Variants in RAB3GAP1 observed in about 807,000 individuals in gnomAD.
The protein encoded by RAB3GAP1 is RAB3 GTPase activating protein catalytic subunit 1, also known as rab3 GTPase-activating protein catalytic subunit.
Under a neutral mutation model 130.7 loss-of-function variants are expected in RAB3GAP1, and 86 were observed. The ratio of observed to expected loss-of-function variants is 0.66; its 90% CI spans 0.55 to 0.79. The LOEUF (loss-of-function observed/expected upper bound fraction) is 0.79. Among genes scored for constraint, RAB3GAP1 ranks in the 30% least tolerant of loss-of-function variants. The pLI, the probability that RAB3GAP1 is intolerant of heterozygous loss-of-function variation, is 0.00. For missense variants in RAB3GAP1, 1,029 were observed against 1,169.4 expected (o/e 0.88, Z 1.75); for synonymous variants, 367 against 401.7 (o/e 0.91, Z 1.03).
At chr2:135,081,370 GTGTGTGTGTGTATATATATATGTATA>G (rs1689815011) in intron 3 of RAB3GAP1, among the ~76,000 whole-genome samples, 1 of 87,104 alleles carries the variant, frequency 1.1e-5, no homozygotes, top group Non-Finnish European at 2.1e-5. Flanking sequence ...ATACACACAC[GTGTGTGTGTGTATATATATATGTATA>G]TATGTGTGTG....
intron 11 of RAB3GAP1, among the ~76,000 whole-genome samples, chr2:135,127,254 ATCT>A (rs1440652431): frequency 2.1e-5 from 3 of 141,240 alleles, no homozygotes; most frequent in Non-Finnish European, 3.0e-5. Context: ...CATAGTCTGC[ATCT>A]TCTATTTCTG....
chr2:135,162,800 C>G lies in RAB3GAP1; in HGVS notation c.2439C>G (p.Ser813=). 1 of 1,613,750 alleles carries G rather than the reference C, an allele frequency of 6.2e-7. No homozygotes were observed. The highest frequency in any genetic ancestry group is 1.7e-5 in the Admixed American group (1 of 60,024). Residue 813 remains serine (S), a synonymous_variant, in exon 21 of 24, where the codon TCC becomes TCG. Transcript: ENST00000264158. The part of the protein sequence containing the change: ...SVKKIIKQII[S]HSSKVLHFPN... ...AGAAGATCATAAAGCAGATAATATC[C>G]CATTCCAGTAAAGTTTTGCACTTCC...
chr2:135,175,961 G>A (rs1208993199), intron 24 of RAB3GAP1, among the ~76,000 whole-genome samples: 1 of 152,000 alleles, frequency 6.6e-6, no homozygotes, highest in Admixed American at 6.5e-5. Flanking sequence ...ATATTATTTT[G>A]GTAACATACC....
At chr2:135,094,571 TCTA>T (rs1690238980) in intron 5 of RAB3GAP1, among the ~76,000 whole-genome samples, 2 of 152,330 alleles carry the variant, frequency 1.3e-5, no homozygotes, top group African/African-American at 4.8e-5. Flanking sequence ...CTCTGGTAAT[TCTA>T]CTTAGAGATA....
intron 19 of RAB3GAP1, among the ~76,000 whole-genome samples, chr2:135,161,527 T>A (rs541366733): frequency 1.3e-5 from 2 of 152,254 alleles, no homozygotes; most frequent in South Asian, 4.2e-4. Context: ...AAAGAATGAT[T>A]TGTAGTTAAT....
chr2:135,165,120 C>A (rs1181882793), intron 23 of RAB3GAP1: 3 of 455,114 alleles, frequency 6.6e-6, no homozygotes, highest in Non-Finnish European at 1.3e-5. Flanking sequence ...TATAATTGTT[C>A]TTGTAATGGT....
At chr2:135,069,645 C>G (rs1040291057) in intron 3 of RAB3GAP1, among the ~76,000 whole-genome samples, 5 of 152,052 alleles carry the variant, frequency 3.3e-5, no homozygotes, top group African/African-American at 1.2e-4. Flanking sequence ...CTTTTGGGGC[C>G]ATGTCATAAA....
chr2:135,094,230 T>G (rs1690227544), intron 5 of RAB3GAP1, among the ~76,000 whole-genome samples: 1 of 152,256 alleles, frequency 6.6e-6, no homozygotes, highest in African/African-American at 2.4e-5. Flanking sequence ...GCAAGCAGGC[T>G]TTTCTTTTCT....
At chr2:135,112,315 A>G (rs746904100) in intron 5 of RAB3GAP1, among the ~76,000 whole-genome samples, 3 of 152,262 alleles carry the variant, frequency 2.0e-5, no homozygotes, top group Non-Finnish European at 2.9e-5. Context: ...AAGACATTCT[A>G]TACCAGCCAA....
chr2:135,135,419 T>A, intron 16 of RAB3GAP1, 100 bp downstream of exon 16: 1 of 1,426,890 alleles, frequency 7.0e-7, no homozygotes, highest in Non-Finnish European at 9.8e-7. Flanking sequence ...CTCATGGTGC[T>A]GCTGTAGGTT....
chr2:135,136,033 G>T, intron 17 of RAB3GAP1, 101 bp downstream of exon 17: 1 of 1,516,240 alleles, frequency 6.6e-7, no homozygotes, highest in Non-Finnish European at 9.1e-7. Flanking sequence ...TATCCAAAAA[G>T]TCTATGTTTA....
intron 5 of RAB3GAP1, among the ~76,000 whole-genome samples, chr2:135,099,441 G>A (rs1237798205): frequency 6.7e-6 from 1 of 150,232 alleles, no homozygotes; most frequent in East Asian, 2.0e-4. Flanking sequence ...CTGTGTGTGT[G>A]TGTGTGTGTG....
intron 5 of RAB3GAP1, 50 bp downstream of exon 5, chr2:135,093,743 C>CAGTGTTGAGGTCCCCCG: frequency 7.5e-7 from 1 of 1,339,582 alleles, no homozygotes; most frequent in Non-Finnish European, 1.1e-6. Context: ...TTGCGGGGGA[C>CAGTGTTGAGGTCCCCCG]CTCAACACTG....
chr2:135,074,717 G>A (rs1021809290), intron 3 of RAB3GAP1, among the ~76,000 whole-genome samples: 2 of 152,212 alleles, frequency 1.3e-5, no homozygotes, highest in Admixed American at 6.5e-5. Flanking sequence ...GGCAGTAAAG[G>A]ATTTACCAAG....
chr2:135,058,711 A>G (rs1689088663), intron 3 of RAB3GAP1: 2 of 152,306 alleles, frequency 1.3e-5, no homozygotes, highest in Non-Finnish European at 2.9e-5. Flanking sequence ...CACACCCCAA[A>G]TGTTTACTGA....
intron 3 of RAB3GAP1, among the ~76,000 whole-genome samples, chr2:135,090,024 C>T (rs751421274): frequency 1.3e-5 from 2 of 152,054 alleles, no homozygotes; most frequent in Non-Finnish European, 2.9e-5. Flanking sequence ...CACTATGGCA[C>T]GTGTATAGCT....
chr2:135,065,326 C>T (rs1689288364), intron 3 of RAB3GAP1, among the ~76,000 whole-genome samples: 1 of 152,200 alleles, frequency 6.6e-6, no homozygotes, highest in Non-Finnish European at 1.5e-5. Context: ...AAGGGGTGAT[C>T]AGGGTCCCTG....
rs191581323 is a variant in RAB3GAP1 at position 135,136,161 on chromosome 2, A to G, written c.1923+229A>G. Reference sequence around the variant, plus strand: ...GCCAACATGGTGAAACCCTGTCTCTACTAAAAGTACAAAAATTAGCTGGGC... The same window carrying G: ...GCCAACATGGTGAAACCCTGTCTCTGCTAAAAGTACAAAAATTAGCTGGGC... On this transcript the variant is annotated intron_variant, in intron 17 of 23. Transcript: ENST00000264158. Among the ~76,000 whole-genome samples the G allele has an allele frequency of 1.9e-3, 296 of 152,240 alleles. 1 individual carries two copies. The highest frequency in any genetic ancestry group is 6.8e-3 in the Middle Eastern group (2 of 294).
At chr2:135,138,178 A>C (rs939563761) in intron 17 of RAB3GAP1, among the ~76,000 whole-genome samples, 1 of 151,694 alleles carries the variant, frequency 6.6e-6, no homozygotes, top group Admixed American at 6.6e-5. Flanking sequence ...AAAGAGGCTC[A>C]ACGCCTGTAA....
Sources: gnomAD v4.1 joint callset for allele counts (sites outside exome capture counted in the v4.1 genomes callset) on GRCh38, gnomAD v4.1.1 for gene constraint, MANE v1.5 for transcripts, NCBI Gene and HGNC (gene_info 2026-07-23, HGNC 2026-07-21) for gene names.